The following CNTN1 variants were observed in gnomAD, a reference collection of about 807,000 sequenced individuals.
CNTN1 encodes the protein contactin-1.
Under a neutral mutation model 126.4 loss-of-function variants are expected in CNTN1, and 38 were observed. That is an observed-to-expected ratio of 0.30 (90% CI 0.23 to 0.39). The LOEUF is 0.39. Among genes scored for constraint, CNTN1 ranks in the 10% least tolerant of loss-of-function variants. The pLI, the probability that CNTN1 is intolerant of heterozygous loss-of-function variation, is 1.00. For missense variants in CNTN1, 1,009 were observed against 1,248.4 expected, an observed-to-expected ratio of 0.81 and a Z score of 2.89; for synonymous variants, 413 against 422.6, an observed-to-expected ratio of 0.98 and a Z score of 0.28.
intron 17 of CNTN1, among the ~76,000 whole-genome samples, chr12:41,011,817 A>T (rs1176298410): frequency 6.6e-6 from 1 of 152,214 alleles, no homozygotes; most frequent in Admixed American, 6.5e-5. Flanking sequence ...TTAGAGAATC[A>T]TTCCAGTTAA....
chr12:41,001,635 C>A (rs565818010), intron 17 of CNTN1, among the ~76,000 whole-genome samples: 1 of 152,142 alleles, frequency 6.6e-6, no homozygotes, highest in Non-Finnish European at 1.5e-5. Context: ...GCTATTGTTA[C>A]AATTGCTTTT....
chr12:40,864,731 G>A (rs565214855), intron 1 of CNTN1, among the ~76,000 whole-genome samples: 75 of 151,986 alleles, frequency 4.9e-4, no homozygotes, highest in African/African-American at 1.7e-3. Flanking sequence ...TTCTGTATCC[G>A]TTCATTAGCT....
chr12:41,003,320 T>C (rs929816086), intron 17 of CNTN1, among the ~76,000 whole-genome samples: 5 of 152,222 alleles, frequency 3.3e-5, no homozygotes, highest in African/African-American at 1.2e-4. Flanking sequence ...ATGAGCTTTT[T>C]GATGTGCTGC....
intron 1 of CNTN1, among the ~76,000 whole-genome samples, chr12:40,863,805 T>C: frequency 6.6e-6 from 1 of 152,000 alleles, no homozygotes; most frequent in East Asian, 1.9e-4. Flanking sequence ...TTCTCATCTG[T>C]GGAAAAATTG....
chr12:40,707,167 T>G (rs796549964), intron 1 of CNTN1, among the ~76,000 whole-genome samples: 2 of 151,544 alleles, frequency 1.3e-5, no homozygotes, highest in Non-Finnish European at 2.9e-5. Flanking sequence ...TCACCATTAC[T>G]TCTTTCTCTT....
At chr12:41,052,229 G>C (rs1949705660) in intron 23 of CNTN1, among the ~76,000 whole-genome samples, 1 of 152,168 alleles carries the variant, frequency 6.6e-6, no homozygotes, top group African/African-American at 2.4e-5. Context: ...AAGTAGATAA[G>C]CTCTTCCTGA....
intron 23 of CNTN1, among the ~76,000 whole-genome samples, chr12:41,058,995 CA>C (rs1949885083): frequency 6.6e-6 from 1 of 151,946 alleles, no homozygotes; most frequent in African/African-American, 2.4e-5. Context: ...ACTTCATGTG[CA>C]TATAGCAAAA....
At chr12:40,959,038 C>G (rs1947005597) in intron 14 of CNTN1, 76 bp from the exon 15 acceptor site, 13 of 1,587,116 alleles carry the variant, frequency 8.2e-6, no homozygotes, top group Non-Finnish European at 1.0e-5. Context: ...GGGGAAAAAA[C>G]TACCTCTTGG....
intron 20 of CNTN1, among the ~76,000 whole-genome samples, chr12:41,023,025 G>T (rs776789073): frequency 6.6e-6 from 1 of 152,038 alleles, no homozygotes; most frequent in Non-Finnish European, 1.5e-5. Context: ...GTGGCCGGTA[G>T]GGGGGAGGGG....
intron 17 of CNTN1, among the ~76,000 whole-genome samples, chr12:40,997,373 A>T (rs1381967813): frequency 6.6e-6 from 1 of 152,206 alleles, no homozygotes; most frequent in Admixed American, 6.5e-5. Flanking sequence ...CAGGAACAAC[A>T]CTTTCATATT....
chr12:40,894,645 A>G (rs949668316), intron 1 of CNTN1, among the ~76,000 whole-genome samples: 3 of 152,134 alleles, frequency 2.0e-5, no homozygotes, highest in Admixed American at 6.5e-5. Context: ...CCAGTCCCCA[A>G]TGCCTTGTCT....
chr12:40,877,988 C>CT (rs199626249), intron 1 of CNTN1, among the ~76,000 whole-genome samples: 7,322 of 108,988 alleles, frequency 0.067, 632 homozygotes, highest in Non-Finnish European at 0.11. Flanking sequence ...CAGTTTTTTC[C>CT]TTTTTTTTTT....
intron 20 of CNTN1, among the ~76,000 whole-genome samples, chr12:41,023,438 G>A (rs529752439): frequency 6.6e-6 from 1 of 152,280 alleles, no homozygotes; most frequent in South Asian, 2.1e-4. Flanking sequence ...AATACCCAGG[G>A]AGTTTTTCTA....
At chr12:40,998,755 G>T (rs1170488043) in intron 17 of CNTN1, among the ~76,000 whole-genome samples, 1 of 151,938 alleles carries the variant, frequency 6.6e-6, no homozygotes, top group Admixed American at 6.6e-5. Context: ...CAGTCCTTTT[G>T]GTTTTCCAAA....
chr12:40,752,245 C>T (rs565323508), intron 1 of CNTN1, among the ~76,000 whole-genome samples: 1 of 152,144 alleles, frequency 6.6e-6, no homozygotes. Context: ...TTTATTAGCC[C>T]ATGCCTTGGT....
At chr12:40,851,249 A>G (rs924755391) in intron 1 of CNTN1, among the ~76,000 whole-genome samples, 1 of 151,726 alleles carries the variant, frequency 6.6e-6, no homozygotes, top group Non-Finnish European at 1.5e-5. Context: ...AATAGGTGTG[A>G]CTCTCGTCTC....
chr12:40,796,177 G>A (rs1030998276), intron 1 of CNTN1, among the ~76,000 whole-genome samples: 1 of 152,060 alleles, frequency 6.6e-6, no homozygotes, highest in African/African-American at 2.4e-5. Context: ...AAGCACAGGA[G>A]GCTTCATGGG....
intron 9 of CNTN1, among the ~76,000 whole-genome samples, chr12:40,936,448 C>T (rs1025334001): frequency 1.3e-5 from 2 of 152,060 alleles, no homozygotes. Flanking sequence ...TTCTTTAAAA[C>T]CTCAATTATC....
intron 1 of CNTN1, among the ~76,000 whole-genome samples, chr12:40,740,388 C>T (rs1937887083): frequency 6.6e-6 from 1 of 151,876 alleles, no homozygotes; most frequent in Non-Finnish European, 1.5e-5. Context: ...ATTATAGTAA[C>T]TCTAACTGCT....
Sources: allele counts gnomAD v4.1 joint callset (sites outside exome capture counted in the v4.1 genomes callset), GRCh38; gene constraint gnomAD v4.1.1; transcripts MANE v1.5; gene names NCBI Gene and HGNC (gene_info 2026-07-23, HGNC 2026-07-21).